Variants in CES5A observed in about 807,000 individuals in gnomAD.
CES5A encodes the protein carboxylesterase 5.
In CES5A, 67 loss-of-function variants were observed where a neutral mutation model predicts 62.9. That is an observed-to-expected ratio of 1.07 (90% CI 0.88 to 1.31). CES5A has a LOEUF of 1.31. Ranked by LOEUF, CES5A falls within the 50% of genes most tolerant of loss-of-function variation. The pLI is 0.00. For missense variants in CES5A, 748 were observed against 708.5 expected, an observed-to-expected ratio of 1.06 and a Z score of -0.63; for synonymous variants, 296 against 280.8, an observed-to-expected ratio of 1.05 and a Z score of -0.54.
intron 2 of CES5A, among the ~76,000 whole-genome samples, chr16:55,873,565 T>C (rs1043539541): frequency 6.6e-6 from 1 of 152,180 alleles, no homozygotes; most frequent in Non-Finnish European, 1.5e-5. Context: ...GATAATAGTT[T>C]CCTGGGCTCA....
intron 1 of CES5A, among the ~76,000 whole-genome samples, chr16:55,912,300 C>T (rs560114680): frequency 2.6e-5 from 4 of 152,342 alleles, no homozygotes; most frequent in South Asian, 2.1e-4. Context: ...TACATTCCGA[C>T]GACAACAGGT....
chr16:55,929,152 T>C (rs2034285505), upstream of CES5A, among the ~76,000 whole-genome samples: 1 of 152,132 alleles, frequency 6.6e-6, no homozygotes, highest in Non-Finnish European at 1.5e-5. Flanking sequence ...GCGGGTCACG[T>C]GGGCAATAGA....
chr16:55,951,777 A>T (rs1470933828), intron 1 of CES5A, among the ~76,000 whole-genome samples: 2 of 152,226 alleles, frequency 1.3e-5, no homozygotes, highest in African/African-American at 2.4e-5. Context: ...TGCACCCAAT[A>T]ACTTAGCTTC....
intron 2 of CES5A, among the ~76,000 whole-genome samples, chr16:55,946,793 C>G (rs1196648835): frequency 6.6e-6 from 1 of 152,228 alleles, no homozygotes; most frequent in Non-Finnish European, 1.5e-5. Context: ...TTGGGCTCAG[C>G]TGAGTTTGGC....
intron 2 of CES5A, chr16:55,943,907 C>A (rs2034468977): frequency 3.2e-6 from 2 of 619,960 alleles, no homozygotes; most frequent in Non-Finnish European, 5.8e-6. Context: ...ACTGAGTATC[C>A]AGTAAGAGGG....
intron 7 of CES5A, among the ~76,000 whole-genome samples, chr16:55,860,065 G>C (rs139324856): frequency 0.02 from 2,975 of 152,224 alleles, 108 homozygotes; most frequent in African/African-American, 0.069. Flanking sequence ...TTGAATCATG[G>C]GGGCAGGTCT....
intron 1 of CES5A, among the ~76,000 whole-genome samples, chr16:55,920,643 C>T (rs2034195041): frequency 6.6e-6 from 1 of 152,060 alleles, no homozygotes; most frequent in South Asian, 2.1e-4. Context: ...CAAATACATC[C>T]AATAAAAAAC....
At chr16:55,914,056 C>A (rs1184858370) in intron 1 of CES5A, among the ~76,000 whole-genome samples, 3 of 152,176 alleles carry the variant, frequency 2.0e-5, no homozygotes, top group Admixed American at 6.5e-5. Flanking sequence ...AGATAAAATA[C>A]AGGAGGTCCA....
chr16:55,875,574 C>T (rs1183002250), upstream of CES5A, among the ~76,000 whole-genome samples: 2 of 152,186 alleles, frequency 1.3e-5, no homozygotes, highest in East Asian at 3.9e-4. Context: ...GGTTTCCAGA[C>T]CTGCCTGTGA....
At chr16:55,923,227 A>G (rs2034226039) in intron 1 of CES5A, among the ~76,000 whole-genome samples, 2 of 151,808 alleles carry the variant, frequency 1.3e-5, no homozygotes, top group South Asian at 4.1e-4. Context: ...ACAGATTAAC[A>G]AAATGAAAAG....
At chr16:55,929,982 C>T (rs1201039543), upstream of CES5A, among the ~76,000 whole-genome samples, 1 of 152,022 alleles carries the variant, frequency 6.6e-6, no homozygotes, top group Admixed American at 6.5e-5. Context: ...CTTGGCCCAG[C>T]AGTGGCTCCC....
intron 2 of CES5A, among the ~76,000 whole-genome samples, chr16:55,932,573 T>A (rs916217349): frequency 7.4e-5 from 1 of 13,588 alleles, no homozygotes; most frequent in Non-Finnish European, 1.5e-4. Flanking sequence ...GGGGGGAGGG[T>A]GGGCAACTCT....
intron 1 of CES5A, among the ~76,000 whole-genome samples, chr16:55,952,777 A>G (rs2034572029): frequency 6.6e-6 from 1 of 152,174 alleles, no homozygotes; most frequent in Non-Finnish European, 1.5e-5. Flanking sequence ...GTAATTTAAG[A>G]TCTACCCCCA....
At chr16:55,930,955 C>T (rs1362919527) in intron 2 of CES5A, among the ~76,000 whole-genome samples, 1 of 152,186 alleles carries the variant, frequency 6.6e-6, no homozygotes, top group African/African-American at 2.4e-5. Flanking sequence ...ACTTCAAGAT[C>T]ATGGTGCCTG....
intron 1 of CES5A, among the ~76,000 whole-genome samples, chr16:55,913,026 C>T (rs2034110445): frequency 1.3e-5 from 2 of 152,160 alleles, no homozygotes; most frequent in Admixed American, 1.3e-4. Context: ...AGGGGAATTG[C>T]AATGGAGAAA....
At chr16:55,847,262 CCCCTCTCTCTTCCTT>C (rs1428024336) in intron 11 of CES5A, among the ~76,000 whole-genome samples, 1 of 150,134 alleles carries the variant, frequency 6.7e-6, no homozygotes. Context: ...CCCTCTCTCT[CCCCTCTCTCTTCCTT>C]CCCTCTCTCT....
intron 1 of CES5A, among the ~76,000 whole-genome samples, chr16:55,882,466 T>C (rs1277612849): frequency 6.6e-6 from 1 of 152,188 alleles, no homozygotes; most frequent in Non-Finnish European, 1.5e-5. Context: ...CACCTGCACC[T>C]TCTCCTATCC....
chr16:55,886,591 C>T (rs2033817930), intron 1 of CES5A, among the ~76,000 whole-genome samples: 2 of 152,138 alleles, frequency 1.3e-5, no homozygotes, highest in African/African-American at 2.4e-5. Flanking sequence ...AATACTGCTC[C>T]GAATGCCCAC....
Position 55,866,023 on chromosome 16 carries a change from C to A in CES5A, c.645G>T (p.Gly215=). ...CAAAGATGGTCACAGAGCTGGGGTCCCCACCGAAGAACTCGATGTTCTTCT... is the reference window on the plus strand; with the variant it reads ...CAAAGATGGTCACAGAGCTGGGGTCACCACCGAAGAACTCGATGTTCTTCT... ...WVQKNIEFFG[G]DPSSVTIFGE... is the part of the protein sequence containing the mutation. Residue 215 remains glycine, a synonymous_variant, in exon 5 of 13, where the codon GGG becomes GGT. Coordinates refer to ENST00000290567, the MANE Select transcript of CES5A (RefSeq NM_001143685.2). 1 of 1,614,156 alleles carries A rather than the reference C, an allele frequency of 6.2e-7. No homozygotes were observed. The highest frequency in any genetic ancestry group is 1.1e-5 in the South Asian group (1 of 91,076).
Sources: allele counts gnomAD v4.1 joint callset (sites outside exome capture counted in the v4.1 genomes callset), GRCh38; gene constraint gnomAD v4.1.1; transcripts MANE v1.5; gene names NCBI Gene and HGNC (gene_info 2026-07-23, HGNC 2026-07-21).